The following SBF2 variants were observed in gnomAD, a reference collection of about 807,000 sequenced individuals.
SBF2 encodes myotubularin-related protein 13.
In SBF2, 112 loss-of-function variants were observed where a neutral mutation model predicts 225.2. The ratio of observed to expected loss-of-function variants is 0.50; its 90% CI spans 0.43 to 0.58. The LOEUF is 0.58. Ranked by LOEUF, SBF2 falls within the 20% of genes least tolerant of loss-of-function variation. The pLI, the probability that SBF2 is intolerant of heterozygous loss-of-function variation, is 0.00. For missense variants in SBF2, 1,996 were observed against 2,206.2 expected, an observed-to-expected ratio of 0.90 and a Z score of 1.91; for synonymous variants, 763 against 773.3, an observed-to-expected ratio of 0.99 and a Z score of 0.22.
At chr11:10,278,905 A>C (rs780978721) in intron 1 of SBF2, among the ~76,000 whole-genome samples, 66 of 152,142 alleles carry the variant, frequency 4.3e-4, no homozygotes, top group Non-Finnish European at 2.2e-4. Context: ...AACAACCTAT[A>C]ATATACAAAT....
intron 1 of SBF2, among the ~76,000 whole-genome samples, chr11:10,243,978 A>T (rs1047822450): frequency 6.6e-6 from 1 of 152,226 alleles, no homozygotes; most frequent in African/African-American, 2.4e-5. Flanking sequence ...AAAGACAGAC[A>T]AAGACACAAG....
chr11:9,873,364 T>C (rs149626207), intron 17 of SBF2, among the ~76,000 whole-genome samples: 5 of 152,302 alleles, frequency 3.3e-5, no homozygotes, highest in Non-Finnish European at 7.4e-5. Flanking sequence ...ATTCAAAAGA[T>C]ATGTTATGGA....
chr11:10,094,528 A>ATTTTTTGTTTTTT (rs1951932203), intron 2 of SBF2, among the ~76,000 whole-genome samples: 1 of 107,300 alleles, frequency 9.3e-6, no homozygotes, highest in African/African-American at 3.3e-5. Context: ...ATACACACAG[A>ATTTTTTGTTTTTT]TTTTTTTTTT....
intron 1 of SBF2, among the ~76,000 whole-genome samples, chr11:10,290,300 T>G (rs1964081424): frequency 6.6e-6 from 1 of 151,838 alleles, no homozygotes. Flanking sequence ...AACATTTTGC[T>G]TCAGAGCCCA....
chr11:10,165,021 C>G (rs780759650), intron 2 of SBF2: 2 of 152,238 alleles, frequency 1.3e-5, no homozygotes, highest in Non-Finnish European at 2.9e-5. Context: ...TGCTTCCCAG[C>G]TCCCTTTACA....
At chr11:10,219,600 T>C (rs1565367537) in intron 1 of SBF2, among the ~76,000 whole-genome samples, 1 of 152,220 alleles carries the variant, frequency 6.6e-6, no homozygotes, top group Non-Finnish European at 1.5e-5. Context: ...TTCTATTGCA[T>C]TGTCAGGCTG....
intron 1 of SBF2, among the ~76,000 whole-genome samples, chr11:10,223,399 TTA>T (rs3074175): frequency 0.069 from 3,994 of 58,208 alleles, 100 homozygotes; most frequent in Middle Eastern, 0.09. Flanking sequence ...ATTTTGCACA[TTA>T]TATATATATA....
At chr11:9,858,650 A>G (rs1857495234) in intron 17 of SBF2, among the ~76,000 whole-genome samples, 1 of 152,218 alleles carries the variant, frequency 6.6e-6, no homozygotes, top group Non-Finnish European at 1.5e-5. Flanking sequence ...CAAAGCTGTT[A>G]TTATATCAAT....
At chr11:10,211,954 G>A (rs1209059066) in intron 1 of SBF2, among the ~76,000 whole-genome samples, 3 of 152,148 alleles carry the variant, frequency 2.0e-5, no homozygotes, top group East Asian at 1.9e-4. Flanking sequence ...AGCAGCTTAT[G>A]ATAATACACC....
At chr11:10,215,701 T>C (rs998852241) in intron 1 of SBF2, among the ~76,000 whole-genome samples, 21 of 152,194 alleles carry the variant, frequency 1.4e-4, no homozygotes, top group African/African-American at 4.1e-4. Flanking sequence ...AATGAATCCA[T>C]ATCATTTCTT....
intron 1 of SBF2, among the ~76,000 whole-genome samples, chr11:10,255,827 G>C (rs1398382772): frequency 1.3e-5 from 2 of 152,088 alleles, no homozygotes; most frequent in African/African-American, 4.8e-5. Context: ...CTAATGAATG[G>C]CAAAGATATA....
chr11:9,977,149 T>C (rs1368922593), intron 13 of SBF2, among the ~76,000 whole-genome samples: 1 of 152,112 alleles, frequency 6.6e-6, no homozygotes, highest in Non-Finnish European at 1.5e-5. Context: ...TGTTCTCACT[T>C]TGTGAAAACA....
chr11:10,180,912 A>G (rs1321031594), intron 2 of SBF2, among the ~76,000 whole-genome samples: 3 of 152,168 alleles, frequency 2.0e-5, no homozygotes, highest in African/African-American at 7.2e-5. Flanking sequence ...CTTTTTCATT[A>G]GAACACTGTG....
chr11:10,277,913 G>A (rs1245586537), intron 1 of SBF2, among the ~76,000 whole-genome samples: 2 of 152,178 alleles, frequency 1.3e-5, no homozygotes, highest in Non-Finnish European at 2.9e-5. Context: ...AATTGTGAGA[G>A]AATGGTGTTT....
intron 2 of SBF2, among the ~76,000 whole-genome samples, chr11:10,055,545 AC>A (rs1950225710): frequency 6.7e-6 from 1 of 149,264 alleles, no homozygotes; most frequent in African/African-American, 2.5e-5. Flanking sequence ...ACACACACAC[AC>A]ACACACACAC....
At chr11:10,098,507 C>A (rs1952130443) in intron 2 of SBF2, among the ~76,000 whole-genome samples, 2 of 150,426 alleles carry the variant, frequency 1.3e-5, no homozygotes, top group Non-Finnish European at 3.0e-5. Context: ...TATGATACCA[C>A]CAAAGAAACA....
chr11:10,124,814 A>C (rs1261011346), intron 2 of SBF2, among the ~76,000 whole-genome samples: 1 of 152,118 alleles, frequency 6.6e-6, no homozygotes, highest in East Asian at 1.9e-4. Context: ...CAGATTAAAA[A>C]AATTTTCTGG....
intron 1 of SBF2, among the ~76,000 whole-genome samples, chr11:10,299,337 CAAAA>C (rs5789634): frequency 1.1e-4 from 7 of 63,152 alleles, no homozygotes; most frequent in Non-Finnish European, 1.9e-4. Context: ...GAGTCCATCT[CAAAA>C]AAAAAAAAAA....
chr11:9,806,299 T>C (rs533975124), intron 32 of SBF2, among the ~76,000 whole-genome samples: 1 of 152,216 alleles, frequency 6.6e-6, no homozygotes, highest in Non-Finnish European at 1.5e-5. Context: ...TGGCACATAG[T>C]AAGCAGTCGA....
Sources: gnomAD v4.1 joint callset for allele counts (sites outside exome capture counted in the v4.1 genomes callset) on GRCh38, gnomAD v4.1.1 for gene constraint, MANE v1.5 for transcripts, NCBI Gene and HGNC (gene_info 2026-07-23, HGNC 2026-07-21) for gene names.